The following GREB1L variants were observed in gnomAD, a reference collection of about 807,000 sequenced individuals.
The protein encoded by GREB1L is GREB1-like protein.
In GREB1L, 17 loss-of-function variants were observed where a neutral mutation model predicts 200.8. That is an observed-to-expected ratio of 0.08 (90% CI 0.06 to 0.13). The LOEUF is 0.13. Among genes scored for constraint, GREB1L ranks in the 10% least tolerant of loss-of-function variants. The pLI is 1.00. For missense variants in GREB1L, 1,657 were observed against 2,367.7 expected (o/e 0.70, Z 6.23); for synonymous variants, 789 against 893.0 (o/e 0.88, Z 2.08).
At chr18:21,386,206 C>T (rs2144120939) in intron 4 of GREB1L, among the ~76,000 whole-genome samples, 1 of 152,202 alleles carries the variant, frequency 6.6e-6, no homozygotes, top group Middle Eastern at 3.4e-3. Flanking sequence ...TAATTAATGT[C>T]CATTTTTTTC....
intron 7 of GREB1L, among the ~76,000 whole-genome samples, chr18:21,426,148 C>T (rs1351387773): frequency 1.3e-5 from 2 of 151,514 alleles, no homozygotes; most frequent in African/African-American, 4.9e-5. Context: ...CCTCTGTGTC[C>T]CAGGTTCAAG....
chr18:21,439,643 A>G lies in GREB1L; in HGVS notation c.949+6A>G, dbSNP rs2033780874. On this transcript the variant is annotated splice_donor_region_variant and intron_variant, in intron 8 of 32. Coordinates refer to ENST00000424526, the MANE Select transcript of GREB1L (RefSeq NM_001142966.3). ...CTATGCATCAGGAGATCAAGGTACA[A>G]TGCCTGTCGTAGAGTTTTGTAATAA... The G allele has an allele frequency of 1.3e-6, 2 of 1,495,506 alleles. No homozygotes were observed. The highest frequency in any genetic ancestry group is 1.2e-5 in the South Asian group (1 of 82,992). The allele number at this position is 1,495,506 out of a possible 1,614,324, so 92.6% of individuals were successfully genotyped here.
At chr18:21,370,974 G>A (rs1262962544) in intron 2 of GREB1L, among the ~76,000 whole-genome samples, 2 of 152,132 alleles carry the variant, frequency 1.3e-5, no homozygotes, top group African/African-American at 4.8e-5. Context: ...AGGTACTTGG[G>A]AGGCTGAGGC....
chr18:21,353,850 A>G (rs1265094390), intron 1 of GREB1L, among the ~76,000 whole-genome samples: 2 of 152,102 alleles, frequency 1.3e-5, no homozygotes, highest in Non-Finnish European at 2.9e-5. Context: ...CAGTGGTGCA[A>G]TCTCGGCTCA....
rs954779753 is a variant in GREB1L, at chr18:21,454,386, C to A, written c.2005C>A (p.His669Asn). 1.9e-6 allele frequency: 3 copies of A among 1,551,082 alleles called. No individual in the cohort carries two copies. The African/African-American group carries it at 4.1e-5, about 21-fold the overall frequency. ...TTTAGATTTAGATAATGAAACCTTC[C>A]ACATTTATCAACCGCAGCTAACAGT... ...QNLDLDNETF[H>N]IYQPQLTVAR... The change falls in exon 15 of 33, where the codon CAC becomes AAC. Residue 669 changes from histidine to asparagine, a missense_variant. Physicochemically the swap from His to Asn is moderately conservative, Grantham distance 68. Coordinates refer to ENST00000424526, the MANE Select transcript of GREB1L (RefSeq NM_001142966.3).
At chr18:21,442,932 CAG>C (rs1308306505) in intron 10 of GREB1L, among the ~76,000 whole-genome samples, 2 of 152,090 alleles carry the variant, frequency 1.3e-5, no homozygotes, top group Non-Finnish European at 2.9e-5. Context: ...TTTTTTGAGA[CAG>C]AGTCTTGCTC....
chr18:21,307,962 C>T (rs2038729196), intron 1 of GREB1L, among the ~76,000 whole-genome samples: 1 of 152,156 alleles, frequency 6.6e-6, no homozygotes, highest in African/African-American at 2.4e-5. Flanking sequence ...GAGCAGTATC[C>T]CTTTTAGTAC....
At chr18:21,362,288 TC>T (rs2039592642) in intron 1 of GREB1L, among the ~76,000 whole-genome samples, 1 of 152,090 alleles carries the variant, frequency 6.6e-6, no homozygotes, top group African/African-American at 2.4e-5. Context: ...TTTAACCTCC[TC>T]CCCACAAGTA....
intron 1 of GREB1L, among the ~76,000 whole-genome samples, chr18:21,270,263 G>A (rs1003836945): frequency 2.4e-4 from 37 of 152,208 alleles, no homozygotes; most frequent in African/African-American, 8.4e-4. Flanking sequence ...AACAAATAGT[G>A]TTTCACAGGC....
intron 1 of GREB1L, among the ~76,000 whole-genome samples, chr18:21,308,043 A>T (rs1277067413): frequency 1.3e-5 from 2 of 152,182 alleles, no homozygotes; most frequent in Non-Finnish European, 2.9e-5. Flanking sequence ...GCTAATTTGG[A>T]TGTGCCATCT....
intron 2 of GREB1L, among the ~76,000 whole-genome samples, chr18:21,377,774 G>A (rs553726919): frequency 5.3e-4 from 80 of 152,240 alleles, no homozygotes; most frequent in African/African-American, 1.9e-3. Context: ...GCCAGGTGTG[G>A]TGGGGGGCAC....
chr18:21,420,095 G>A (rs1396869883), intron 7 of GREB1L, among the ~76,000 whole-genome samples: 1 of 152,116 alleles, frequency 6.6e-6, no homozygotes, highest in Non-Finnish European at 1.5e-5. Context: ...AGCCACAGAC[G>A]GGCGCGGTGG....
intron 11 of GREB1L, 106 bp downstream of exon 11, chr18:21,444,515 T>C: frequency 1.1e-6 from 1 of 892,402 alleles, no homozygotes. Flanking sequence ...TTATTTTCCC[T>C]CTTTCGCTTC....
In GREB1L at chr18:21,383,553, C is replaced by T; in HGVS notation, c.35C>T (p.Ala12Val). The T allele has an allele frequency of 1.3e-6, 2 of 1,545,652 alleles. No individual in the cohort carries two copies. The highest frequency in any genetic ancestry group is 1.7e-6 in the Non-Finnish European group (2 of 1,145,144). The change falls in exon 3 of 33, where the codon GCT (alanine) becomes GTT (valine). Residue 12 changes from alanine (A) to valine (V), a missense_variant. This residue lies in a region of GREB1L where 121 missense variants were observed against 126.6 expected (regional missense o/e 0.96). Coordinates refer to ENST00000424526, the MANE Select transcript of GREB1L (RefSeq NM_001142966.3). ...TCATATGCTGGGCAACTGAAATCTGCTCGATTTGAGGAAGCTCTCCACAAC... is the reference window on the plus strand; with the variant it reads ...TCATATGCTGGGCAACTGAAATCTGTTCGATTTGAGGAAGCTCTCCACAAC... Reference protein sequence around the residue: ...GNSYAGQLKSARFEEALHNSI... With the variant: ...GNSYAGQLKSVRFEEALHNSI...
At chr18:21,377,397 T>A (rs540257097) in intron 2 of GREB1L, among the ~76,000 whole-genome samples, 1 of 152,226 alleles carries the variant, frequency 6.6e-6, no homozygotes, top group South Asian at 2.1e-4. Flanking sequence ...TTAACCTGTA[T>A]GTTTTCATTT....
At chr18:21,306,514 T>C (rs1156947496) in intron 1 of GREB1L, among the ~76,000 whole-genome samples, 2 of 152,240 alleles carry the variant, frequency 1.3e-5, no homozygotes, top group Non-Finnish European at 2.9e-5. Context: ...TGATGTGTTA[T>C]GTGCTTGAAC....
intron 19 of GREB1L, among the ~76,000 whole-genome samples, chr18:21,494,583 C>T (rs2036470221): frequency 6.6e-6 from 1 of 151,798 alleles, no homozygotes; most frequent in South Asian, 2.1e-4. Context: ...CTGTCCACGG[C>T]ACTCCAGCCT....
intron 7 of GREB1L, among the ~76,000 whole-genome samples, chr18:21,431,241 T>C (rs1418254777): frequency 6.6e-6 from 1 of 151,988 alleles, no homozygotes; most frequent in Admixed American, 6.6e-5. Context: ...GCCAGACTGG[T>C]CCCAAACTCC....
chr18:21,457,972 T>G (rs1167135222), intron 15 of GREB1L, among the ~76,000 whole-genome samples: 1 of 150,436 alleles, frequency 6.6e-6, no homozygotes, highest in Non-Finnish European at 1.5e-5. Context: ...CAGTTTTTTT[T>G]TTTTTTTTTT....
Sources: gnomAD v4.1 joint callset for allele counts (sites outside exome capture counted in the v4.1 genomes callset) on GRCh38, gnomAD v4.1.1 for gene constraint, gnomAD v4.1.1 regional missense constraint, MANE v1.5 for transcripts, NCBI Gene and HGNC (gene_info 2026-07-23, HGNC 2026-07-21) for gene names.